The following EFCC1 variants were observed in gnomAD, a reference collection of about 807,000 sequenced individuals.
The protein encoded by EFCC1 is EF-hand and coiled-coil domain-containing protein 1.
Under a neutral mutation model 52.1 loss-of-function variants are expected in EFCC1, and 50 were observed. That is an observed-to-expected ratio of 0.96 (90% CI 0.76 to 1.21). The LOEUF (loss-of-function observed/expected upper bound fraction) is 1.21, where lower values mean the gene tolerates loss of function less well. Among genes scored for constraint, EFCC1 ranks in the 50% most tolerant of loss-of-function variants. The probability of loss-of-function intolerance (pLI) is 0.00; values close to 1 mark genes in which losing one functional copy is unlikely to be tolerated. For synonymous variants in EFCC1, 399 were observed against 396.5 expected, an observed-to-expected ratio of 1.01 and a Z score of -0.08; for missense variants, 837 against 867.3, an observed-to-expected ratio of 0.97 and a Z score of 0.44.
At position 129,032,926 on chromosome 3, in the gene EFCC1, G is replaced by T; in HGVS notation, c.1246G>T (p.Ala416Ser). ...GGAGAAGAAGACGCCGGCAGCCGAG[G>T]CCAAGACACTGCTGGCCCGGCTCTC... Reference protein sequence around the residue: ...QEEKKTPAAEAKTLLARLSSC... With the variant: ...QEEKKTPAAESKTLLARLSSC... The change falls in exon 4 of 8, where the codon GCC (alanine) becomes TCC (serine). Residue 416 changes from alanine to serine, a missense_variant. Physicochemically the swap from Ala to Ser is moderately conservative, Grantham distance 99 (BLOSUM62 1). Transcript: ENST00000683648. 1 of 1,550,480 alleles carries T rather than the reference G, an allele frequency of 6.4e-7. No homozygotes were observed. The highest frequency in any genetic ancestry group is 8.7e-7 in the Non-Finnish European group (1 of 1,146,558).
Position 129,034,318 on chromosome 3 carries a change from T to TGAGC in EFCC1, c.1441_1442insGAGC (p.Ser481Ter), listed in dbSNP as rs765826655. 1.9e-6 allele frequency: 3 copies of TGAGC among 1,613,716 alleles called. No homozygotes were observed. Among genetic ancestry groups the TGAGC allele is most frequent in the Non-Finnish European group, 2.5e-6 (3 of 1,179,846 alleles). On this transcript the variant is annotated stop_gained and frameshift_variant, in exon 5 of 8. Coordinates refer to ENST00000683648, the MANE Select transcript of EFCC1 (RefSeq NM_001377500.1). LOFTEE classifies it high-confidence loss of function. ...CTGCGGTGGGAGGACCCTGGGGACCTCTGAGGAGGAGGTCAGCAGAGCCTA... is the reference window on the plus strand; with the variant it reads ...CTGCGGTGGGAGGACCCTGGGGACCTGAGCCTGAGGAGGAGGTCAGCAGAGCCTA...
chr3:129,001,955 C>A lies in EFCC1; in HGVS notation c.327C>A (p.Thr109=), dbSNP rs753330341. Residue 109 remains threonine (T), a synonymous_variant, in exon 1 of 8, where the codon ACC becomes ACA. Coordinates refer to ENST00000683648, the MANE Select transcript of EFCC1 (RefSeq NM_001377500.1). Reference sequence around the variant, plus strand: ...GTGACGGGAACTCCAGAGATGTGACCCCCGGGGATGCGGCCGCTGAGTTGG... The same window carrying A: ...GTGACGGGAACTCCAGAGATGTGACACCCGGGGATGCGGCCGCTGAGTTGG... ...AAGDGNSRDV[T]PGDAAAELAT... is the part of the protein sequence containing the mutation. The A allele has an allele frequency of 3.1e-5, 48 of 1,544,062 alleles. No homozygotes were observed. The South Asian group carries it at 5.7e-4, about 18-fold the overall frequency.
chr3:129,001,525 G>A lies in EFCC1; in HGVS notation c.-104G>A, dbSNP rs999675082. On this transcript the variant is annotated 5_prime_UTR_variant, in exon 1 of 8. Coordinates refer to ENST00000683648, the MANE Select transcript of EFCC1 (RefSeq NM_001377500.1). ...CCCGGCGCCGCTCCAACCAGACCGC[G>A]ACCGCTAAGCCCCTCCTTTCGAGAA... The A allele has an allele frequency of 2.3e-6, 3 of 1,331,792 alleles. No individual in the cohort carries two copies. The highest frequency in any genetic ancestry group is 2.0e-5 in the South Asian group (1 of 49,268). The allele number at this position is 1,331,792 out of a possible 1,614,324, so 82.5% of individuals were successfully genotyped here.
chr3:129,002,983 C>A (rs1944869133), intron 1 of EFCC1, among the ~76,000 whole-genome samples: 1 of 152,136 alleles, frequency 6.6e-6, no homozygotes, highest in South Asian at 2.1e-4. Context: ...TGGGAGCCGT[C>A]GACAAACACT....
At chr3:129,002,541 C>G (rs1482509672) in intron 1 of EFCC1, 2 of 937,936 alleles carry the variant, frequency 2.1e-6, no homozygotes, top group Non-Finnish European at 1.5e-6. Context: ...TATTCCATTC[C>G]TGAAAACCCC....
intron 2 of EFCC1, among the ~76,000 whole-genome samples, chr3:129,023,621 C>T (rs984151220): frequency 1.5e-4 from 23 of 152,162 alleles, no homozygotes; most frequent in African/African-American, 5.1e-4. Flanking sequence ...CGTGAGCCAC[C>T]GCGCCTGGCC....
intron 3 of EFCC1, among the ~76,000 whole-genome samples, chr3:129,031,254 G>A (rs1211490656): frequency 2.0e-5 from 3 of 152,170 alleles, no homozygotes; most frequent in African/African-American, 7.2e-5. Flanking sequence ...CATGGCAAAA[G>A]CTGGTCTCTA....
At chr3:129,019,517 C>T (rs1161451606) in intron 2 of EFCC1, among the ~76,000 whole-genome samples, 1 of 152,196 alleles carries the variant, frequency 6.6e-6, no homozygotes, top group African/African-American at 2.4e-5. Context: ...TAAACAGTCA[C>T]ATTCTAGATT....
chr3:129,004,726 A>T (rs1944992839), intron 2 of EFCC1, among the ~76,000 whole-genome samples: 1 of 152,088 alleles, frequency 6.6e-6, no homozygotes, highest in African/African-American at 2.4e-5. Flanking sequence ...TATGTGGCTT[A>T]ACTCATTTAA....
At position 129,026,315 on chromosome 3, in the gene EFCC1, C is replaced by T. The variant is rs941110366; in HGVS notation, c.981-4388C>T. On this transcript the variant is annotated intron_variant, in intron 2 of 7. Coordinates refer to ENST00000683648, the MANE Select transcript of EFCC1 (RefSeq NM_001377500.1). ...AGGCCCCTGGGGGTAAAAGCTGTCC[C>T]TCCATCTCATTTTGCTTGTTGAAAC... 2.0e-5 allele frequency among the ~76,000 whole-genome samples: 3 copies of T among 151,958 alleles called. No homozygotes were observed. In the East Asian group the frequency reaches 5.8e-4, roughly 29 times the overall value.
rs1191149521 is a variant in EFCC1 at position 129,010,698 on chromosome 3, G to A, written c.980+6621G>A. The stretch of plus-strand genomic sequence containing the variant: ...GGGAGGGAGGCAGATGAGTGGGGGC[G>A]AGCAGAGGGGGCATGGGGCACCATC... On this transcript the variant is annotated intron_variant, in intron 2 of 7. Coordinates refer to ENST00000683648, the MANE Select transcript of EFCC1 (RefSeq NM_001377500.1). The surrounding 1 kb of genome is among the most constrained non-coding windows in gnomAD (Gnocchi z 4.3). 1.3e-5 allele frequency among the ~76,000 whole-genome samples: 2 copies of A among 152,190 alleles called. No individual in the cohort carries two copies. Among genetic ancestry groups the A allele is most frequent in the African/African-American group, 2.4e-5 (1 of 41,452 alleles).
chr3:129,020,751 CT>C (rs1490197890), intron 2 of EFCC1, among the ~76,000 whole-genome samples: 2 of 152,194 alleles, frequency 1.3e-5, no homozygotes, highest in Non-Finnish European at 2.9e-5. Context: ...GCCAGATGCC[CT>C]TCTCAAAAGG....
intron 4 of EFCC1, among the ~76,000 whole-genome samples, chr3:129,033,890 T>C (rs957413378): frequency 6.6e-6 from 1 of 152,220 alleles, no homozygotes; most frequent in Non-Finnish European, 1.5e-5. Flanking sequence ...CTGAGGCATG[T>C]TGGCGGGACC....
At chr3:129,034,415 G>T (rs1208672176) in intron 5 of EFCC1, 86 bp downstream of exon 5, 3 of 1,462,402 alleles carry the variant, frequency 2.1e-6, no homozygotes, top group Non-Finnish European at 2.8e-6. Flanking sequence ...GCCAAGTCTT[G>T]TGCCTCATTC....
chr3:129,004,272 A>G (rs889198667), intron 2 of EFCC1, among the ~76,000 whole-genome samples, 195 bp downstream of exon 2: 4 of 152,062 alleles, frequency 2.6e-5, no homozygotes, highest in Non-Finnish European at 5.9e-5. Flanking sequence ...TTGCTCTGCA[A>G]CCATCTGCCC....
intron 4 of EFCC1, among the ~76,000 whole-genome samples, chr3:129,033,172 G>C (rs114441516): frequency 2.6e-5 from 4 of 152,298 alleles, no homozygotes; most frequent in African/African-American, 9.6e-5. Context: ...GGCACATCTC[G>C]TGGCTGGCTT....
At chr3:129,011,323 G>C (rs1945316662) in intron 2 of EFCC1, among the ~76,000 whole-genome samples, 1 of 152,164 alleles carries the variant, frequency 6.6e-6, no homozygotes, top group Admixed American at 6.5e-5. Flanking sequence ...GGCCGAAGTG[G>C]GTGGATCACC....
At chr3:129,015,735 C>A (rs983178473) in intron 2 of EFCC1, among the ~76,000 whole-genome samples, 1 of 152,012 alleles carries the variant, frequency 6.6e-6, no homozygotes, top group African/African-American at 2.4e-5. Context: ...ACTGTCCCCC[C>A]ACCCCTTGTG....
chr3:129,011,611 C>G (rs55772411), intron 2 of EFCC1, among the ~76,000 whole-genome samples: 12,279 of 151,644 alleles, frequency 0.081, 1,434 homozygotes, highest in African/African-American at 0.25. Flanking sequence ...GAAAAGCAAG[C>G]CCTGTCCAGG....
Sources: allele counts gnomAD v4.1 joint callset (sites outside exome capture counted in the v4.1 genomes callset), GRCh38; gene constraint gnomAD v4.1.1; non-coding constraint Gnocchi (gnomAD v3.1); transcripts MANE v1.5; gene names NCBI Gene and HGNC (gene_info 2026-07-23, HGNC 2026-07-21).